UBA5: variants seen among roughly 807,000 people sequenced by gnomAD.
UBA5 encodes ubiquitin like modifier activating enzyme 5.
A neutral mutation model predicts 52.9 loss-of-function variants in UBA5; 28 were observed. That is an observed-to-expected ratio of 0.53 (90% CI 0.39 to 0.73). The LOEUF is 0.73. Ranked by LOEUF, UBA5 falls within the 30% of genes least tolerant of loss-of-function variation. UBA5 has a pLI of 0.00. For missense variants in UBA5, 388 were observed against 492.7 expected, an observed-to-expected ratio of 0.79 and a Z score of 2.01; for synonymous variants, 135 against 162.1, an observed-to-expected ratio of 0.83 and a Z score of 1.27.
chr3:132,656,459 C>T (rs1292590415), upstream of UBA5, among the ~76,000 whole-genome samples: 2 of 151,802 alleles, frequency 1.3e-5, no homozygotes, highest in Non-Finnish European at 2.9e-5. Flanking sequence ...TATATGAGTC[C>T]CTGTTGCCCC....
Position 132,660,523 on chromosome 3 carries a change from G to T in UBA5, c.-15G>T. 1 of 1,547,468 alleles carries T rather than the reference G, an allele frequency of 6.5e-7. No individual in the cohort carries two copies. The highest frequency in any genetic ancestry group is 8.7e-7 in the Non-Finnish European group (1 of 1,146,644). ...AAGGCCCGGGCTGGGAGCGTTGGCGGCCGGAGTCCCAGCCATGGCGGAGTC... is the reference window on the plus strand; with the variant it reads ...AAGGCCCGGGCTGGGAGCGTTGGCGTCCGGAGTCCCAGCCATGGCGGAGTC... On this transcript the variant is annotated 5_prime_UTR_variant, in exon 1 of 12. Coordinates refer to ENST00000356232, the MANE Select transcript of UBA5 (RefSeq NM_024818.6). This position sits in a 1 kb window ranked among gnomAD's most constrained non-coding sequence, Gnocchi z 4.1.
At chr3:132,659,898 T>C (rs2107920061), upstream of UBA5, 3 of 974,830 alleles carry the variant, frequency 3.1e-6, no homozygotes, top group Non-Finnish European at 4.3e-6. Context: ...CTACGCGCCG[T>C]TGCTGAGCAA....
chr3:132,660,057 A>G, upstream of UBA5: 1 of 377,884 alleles, frequency 2.6e-6, no homozygotes, highest in Non-Finnish European at 4.7e-6. This position sits in a 1 kb window ranked among gnomAD's most constrained non-coding sequence, Gnocchi z 4.1. Flanking sequence ...GCGGGTAAGG[A>G]ACAACGCAGA....
chr3:132,660,298 G>C (rs1350704102), upstream of UBA5: 95 of 595,934 alleles, frequency 1.6e-4, no homozygotes, highest in Non-Finnish European at 2.6e-4. This position sits in a 1 kb window ranked among gnomAD's most constrained non-coding sequence, Gnocchi z 4.1. Context: ...AAAGAGCCAG[G>C]TTTTTGATGA....
chr3:132,672,252 A>G, intron 8 of UBA5, 75 bp downstream of exon 8: 1 of 1,495,576 alleles, frequency 6.7e-7, no homozygotes, highest in Non-Finnish European at 9.0e-7. Context: ...AAAGCATTTC[A>G]GAAACTGAAA....
intron 6 of UBA5, among the ~76,000 whole-genome samples, chr3:132,671,506 A>C (rs1035356034): frequency 1.3e-5 from 2 of 152,180 alleles, no homozygotes; most frequent in African/African-American, 4.8e-5. Flanking sequence ...GATTTTAGAA[A>C]AGTGAAATTT....
Position 132,671,878 on chromosome 3 carries a change from T to G in UBA5, c.681T>G (p.Phe227Leu). 1 of 1,612,448 alleles carries G rather than the reference T, an allele frequency of 6.2e-7. No homozygotes were observed. Among genetic ancestry groups the G allele is most frequent in the East Asian group, 2.2e-5 (1 of 44,844 alleles). The change falls in exon 7 of 12, where the codon TTT becomes TTG. Residue 227 changes from phenylalanine (F) to leucine (L), a missense_variant. Phe to Leu is a conservative substitution (Grantham distance 22). Transcript: ENST00000356232. ...QLIIPGESAC[F>L]ACAPPLVVAA... ...TAATTCCTGGAGAATCTGCTTGTTT[T>G]GCGGTATGCATTATTCTTTTTGGAA...
At chr3:132,675,482 T>C in intron 9 of UBA5, 99 bp downstream of exon 9, 1 of 1,526,270 alleles carries the variant, frequency 6.6e-7, no homozygotes, top group Non-Finnish European at 8.9e-7. Flanking sequence ...TTATTCACCA[T>C]ACTTCAAAAA....
intron 8 of UBA5, among the ~76,000 whole-genome samples, chr3:132,673,466 G>A (rs1348857750): frequency 6.6e-6 from 1 of 151,984 alleles, no homozygotes; most frequent in East Asian, 1.9e-4. Flanking sequence ...TCCCACCTCA[G>A]CCTTCCAAGT....
chr3:132,667,388 G>A (rs565558227), intron 3 of UBA5: 1 of 152,086 alleles, frequency 6.6e-6, no homozygotes, highest in African/African-American at 2.4e-5. Flanking sequence ...AAAAATTCTG[G>A]TGTCCAGACT....
chr3:132,671,413 T>G (rs1938594711), intron 6 of UBA5, among the ~76,000 whole-genome samples: 1 of 152,116 alleles, frequency 6.6e-6, no homozygotes, highest in African/African-American at 2.4e-5. Context: ...AAAACCTGGT[T>G]TCTCAAAAAA....
rs1042392996 is a variant in UBA5, at chr3:132,660,909, A to G, written c.161+211A>G. ...TTTAAAAACCTCCAGTGAGTCAGCC[A>G]TATGGTGCTGCTCCTGTGCCTGCTG... On this transcript the variant is annotated intron_variant, in intron 1 of 11. Transcript: ENST00000356232. This position sits in a 1 kb window ranked among gnomAD's most constrained non-coding sequence, Gnocchi z 4.1. 6.8e-7 allele frequency: 1 copy of G among 1,470,956 alleles called. No homozygotes were observed. The highest frequency in any genetic ancestry group is 9.0e-7 in the Non-Finnish European group (1 of 1,114,276). The allele number at this position is 1,470,956 out of a possible 1,614,324, so 91.1% of individuals were successfully genotyped here.
At position 132,662,424 on chromosome 3, in the gene UBA5, C is replaced by T. The variant is rs147178958; in HGVS notation, c.161+1726C>T. Among the ~76,000 whole-genome samples the T allele has an allele frequency of 1.2e-3, 184 of 152,238 alleles. 1 individual carries two copies. Among genetic ancestry groups the T allele is most frequent in the African/African-American group, 3.8e-3 (158 of 41,528 alleles). ...TAGACATGGTCTTTTCCCTCTAGAG[C>T]TTACCAGATGAGTGTGAGATAAATA... On this transcript the variant is annotated intron_variant, in intron 1 of 11. Transcript: ENST00000356232.
At chr3:132,659,172 C>G (rs369516647), upstream of UBA5, among the ~76,000 whole-genome samples, 1 of 152,250 alleles carries the variant, frequency 6.6e-6, no homozygotes, top group East Asian at 1.9e-4. Context: ...AGCTAGTACT[C>G]GAATTCGGAT....
intron 3 of UBA5, chr3:132,667,554 C>A (rs933388055): frequency 6.6e-6 from 1 of 152,046 alleles, no homozygotes; most frequent in Non-Finnish European, 1.5e-5. Context: ...CAGATAAATA[C>A]GAAGTGAATT....
chr3:132,676,296 T>G lies in UBA5; in HGVS notation c.1132-147T>G, dbSNP rs1938836244. On this transcript the variant is annotated intron_variant, in intron 11 of 11. Coordinates refer to ENST00000356232, the MANE Select transcript of UBA5 (RefSeq NM_024818.6). This position sits in a 1 kb window ranked among gnomAD's most constrained non-coding sequence, Gnocchi z 4.1. Reference sequence around the variant, plus strand: ...GTGAGGAATGTAAAAGACTCTGTCTTTCTTCTAAAAATTAGAAGATAGTTG... The same window carrying G: ...GTGAGGAATGTAAAAGACTCTGTCTGTCTTCTAAAAATTAGAAGATAGTTG... 3.2e-6 allele frequency: 2 copies of G among 628,820 alleles called. No homozygotes were observed. Among genetic ancestry groups the G allele is most frequent in the Non-Finnish European group, 5.4e-6 (2 of 370,056 alleles). The allele number at this position is 628,820 out of a possible 1,614,324, so 39.0% of individuals were successfully genotyped here.
At chr3:132,655,127 G>A (rs558387519) in intron 1 of UBA5, among the ~76,000 whole-genome samples, 27 of 152,100 alleles carry the variant, frequency 1.8e-4, no homozygotes, top group East Asian at 9.6e-4. Context: ...TGACCAAAAC[G>A]TCATTATGCA....
chr3:132,665,927 T>C (rs1380085195), intron 2 of UBA5, 57 bp from the exon 3 acceptor site: 1 of 1,610,816 alleles, frequency 6.2e-7, no homozygotes, highest in Non-Finnish European at 8.5e-7. Flanking sequence ...AAATAACTTC[T>C]GGTGACATAT....
At position 132,677,117 on chromosome 3, in the gene UBA5, T is replaced by G. The variant is rs1337813377; in HGVS notation, c.*591T>G. 3.9e-6 allele frequency: 1 copy of G among 257,092 alleles called. No homozygotes were observed. Among genetic ancestry groups the G allele is most frequent in the Non-Finnish European group, 7.9e-6 (1 of 126,084 alleles). 15.9% of individuals were successfully genotyped at this position (257,092 alleles called of 1,614,324 possible). Reference sequence around the variant, plus strand: ...AGTTGAAATGTAGTTATTGGAAAAGTCTGTAACCTGTGGATCATATATATT... The same window carrying G: ...AGTTGAAATGTAGTTATTGGAAAAGGCTGTAACCTGTGGATCATATATATT... On this transcript the variant is annotated 3_prime_UTR_variant, in exon 12 of 12. Transcript: ENST00000356232.
Sources: gnomAD v4.1 joint callset for allele counts (sites outside exome capture counted in the v4.1 genomes callset) on GRCh38, gnomAD v4.1.1 for gene constraint, Gnocchi (gnomAD v3.1) non-coding constraint, MANE v1.5 for transcripts, NCBI Gene and HGNC (gene_info 2026-07-23, HGNC 2026-07-21) for gene names.